The following KLHL29 variants were observed in gnomAD, a reference collection of about 807,000 sequenced individuals.
KLHL29 encodes the protein kelch like family member 29.
Under a neutral mutation model 80.4 loss-of-function variants are expected in KLHL29, and 21 were observed. The observed-to-expected ratio is 0.26, with a 90% CI of 0.19 to 0.38. The LOEUF is 0.38. Ranked by LOEUF, KLHL29 falls within the 10% of genes least tolerant of loss-of-function variation. The pLI is 1.00. For synonymous variants in KLHL29, 511 were observed against 526.8 expected, an observed-to-expected ratio of 0.97 and a Z score of 0.41; for missense variants, 867 against 1,223.9, an observed-to-expected ratio of 0.71 and a Z score of 4.35.
At chr2:23,670,962 CTCTCTCTCTCTCTCT>C (rs1670714770) in intron 5 of KLHL29, among the ~76,000 whole-genome samples, 1 of 23,486 alleles carries the variant, frequency 4.3e-5, no homozygotes, top group Admixed American at 4.9e-4. Flanking sequence ...CTCTCTCTCT[CTCTCTCTCTCTCTCT>C]CTCCCTCCCT....
chr2:23,577,487 C>T (rs1342961144), intron 3 of KLHL29, among the ~76,000 whole-genome samples: 1 of 151,576 alleles, frequency 6.6e-6, no homozygotes, highest in Non-Finnish European at 1.5e-5. Context: ...TGGCTCACAC[C>T]TGTAATCTCA....
intron 3 of KLHL29, among the ~76,000 whole-genome samples, chr2:23,570,880 C>CA (rs1667701318): frequency 6.6e-6 from 1 of 152,232 alleles, no homozygotes; most frequent in Admixed American, 6.5e-5. Context: ...CATGGATGGC[C>CA]AGATCCCTCT....
At chr2:23,557,280 A>G (rs913219474) in intron 2 of KLHL29, among the ~76,000 whole-genome samples, 1 of 152,142 alleles carries the variant, frequency 6.6e-6, no homozygotes, top group African/African-American at 2.4e-5. Flanking sequence ...GAAAATATTT[A>G]AGTTGCCACC....
intron 3 of KLHL29, among the ~76,000 whole-genome samples, chr2:23,593,597 G>A (rs543710846): frequency 2.0e-5 from 3 of 152,288 alleles, no homozygotes; most frequent in East Asian, 1.9e-4. Flanking sequence ...GCAGTGGTGC[G>A]GAGGAGAAGT....
intron 1 of KLHL29, among the ~76,000 whole-genome samples, chr2:23,454,744 G>A (rs982533675): frequency 4.6e-5 from 7 of 151,516 alleles, no homozygotes; most frequent in African/African-American, 1.5e-4. Flanking sequence ...CTGTTCTTGC[G>A]TTTTTTTCTG....
In KLHL29 at chr2:23,579,779, C is replaced by G. The variant is rs528412302; in HGVS notation, c.285+17298C>G. ...AAGACCCTTGGCGATCCCACCTCTTCTGGCTTCACCAAGCCTCATCTGTCA... is the reference window on the plus strand; with the variant it reads ...AAGACCCTTGGCGATCCCACCTCTTGTGGCTTCACCAAGCCTCATCTGTCA... On this transcript the variant is annotated intron_variant, in intron 3 of 13. Coordinates refer to ENST00000486442, the MANE Select transcript of KLHL29 (RefSeq NM_052920.2). Among the ~76,000 whole-genome samples the G allele has an allele frequency of 2.6e-5, 4 of 152,348 alleles. 1 individual carries two copies. The highest frequency in any genetic ancestry group is 4.1e-4 in the South Asian group (2 of 4,830).
intron 1 of KLHL29, among the ~76,000 whole-genome samples, chr2:23,405,220 TAA>T (rs1666695051): frequency 6.6e-6 from 1 of 152,250 alleles, no homozygotes. Context: ...GTTTGGATTA[TAA>T]AGGTAATACC....
intron 1 of KLHL29, among the ~76,000 whole-genome samples, chr2:23,465,751 T>A (rs1454927609): frequency 6.6e-6 from 1 of 152,180 alleles, no homozygotes; most frequent in African/African-American, 2.4e-5. Flanking sequence ...TTCACGTTGA[T>A]CTTTCAGGCA....
At chr2:23,487,148 T>G (rs534181699) in intron 2 of KLHL29, among the ~76,000 whole-genome samples, 2 of 151,818 alleles carry the variant, frequency 1.3e-5, no homozygotes, top group Non-Finnish European at 2.9e-5. Context: ...CAGCTGTACC[T>G]CTTGTCATTT....
chr2:23,565,517 G>T (rs1667566993), intron 3 of KLHL29, among the ~76,000 whole-genome samples: 1 of 152,194 alleles, frequency 6.6e-6, no homozygotes, highest in Admixed American at 6.5e-5. Flanking sequence ...AGAGGGAGCT[G>T]GGGGGAAGAG....
chr2:23,420,417 C>T (rs768965547), intron 1 of KLHL29, among the ~76,000 whole-genome samples: 8 of 152,150 alleles, frequency 5.3e-5, no homozygotes, highest in Non-Finnish European at 1.2e-4. Flanking sequence ...GCTTGTTTTA[C>T]GGGAGGCGGA....
chr2:23,555,000 C>T (rs1039197556), intron 2 of KLHL29, among the ~76,000 whole-genome samples: 1 of 152,116 alleles, frequency 6.6e-6, no homozygotes, highest in South Asian at 2.1e-4. Flanking sequence ...AAGCCTTTTG[C>T]AAGCCTGGGC....
At chr2:23,577,951 G>A (rs1451988063) in intron 3 of KLHL29, among the ~76,000 whole-genome samples, 2 of 152,130 alleles carry the variant, frequency 1.3e-5, no homozygotes, top group South Asian at 2.1e-4. Context: ...CTGTGCCATC[G>A]AGGGACTCCA....
Position 23,696,471 on chromosome 2 carries a change from T to G in KLHL29, c.2063T>G (p.Leu688Arg). 1 of 1,546,782 alleles carries G rather than the reference T, an allele frequency of 6.5e-7. No homozygotes were observed. The highest frequency in any genetic ancestry group is 8.7e-7 in the Non-Finnish European group (1 of 1,144,792). Residue 688 changes from leucine (L) to arginine (R), a missense_variant, in exon 11 of 14, where the codon CTC (leucine) becomes CGC (arginine). By Grantham distance (102) the Leu-to-Arg change is moderately radical. Around this residue, in one of 2 missense-constraint regions of KLHL29, gnomAD observed 443 missense variants for 767.0 expected, o/e 0.58. Transcript: ENST00000486442. This position sits in a 1 kb window ranked among gnomAD's most constrained non-coding sequence, Gnocchi z 5.5. ...SLVYDGKIYT[L>R]GGLGVAGNVD... ...GTCTACGATGGGAAGATTTACACCC[T>G]CGGGGGACTTGGCGTGGCAGGCAAC...
intron 1 of KLHL29, among the ~76,000 whole-genome samples, chr2:23,464,097 G>T (rs565720888): frequency 6.6e-6 from 1 of 152,330 alleles, no homozygotes; most frequent in Non-Finnish European, 1.5e-5. Flanking sequence ...GGGAAATAAT[G>T]CAATTTCCAT....
chr2:23,592,997 G>A (rs1044877655), intron 3 of KLHL29, among the ~76,000 whole-genome samples: 5 of 152,124 alleles, frequency 3.3e-5, no homozygotes, highest in East Asian at 1.9e-4. Flanking sequence ...TTCTCTGCTC[G>A]AGTGCTGTGG....
chr2:23,441,915 G>A (rs902686508), intron 1 of KLHL29, among the ~76,000 whole-genome samples: 4 of 152,308 alleles, frequency 2.6e-5, no homozygotes, highest in Admixed American at 2.6e-4. Flanking sequence ...GCTAAAACCA[G>A]TCACATAGTA....
intron 5 of KLHL29, among the ~76,000 whole-genome samples, chr2:23,671,298 G>A (rs924624237): frequency 6.6e-6 from 1 of 151,896 alleles, no homozygotes; most frequent in East Asian, 1.9e-4. Context: ...CCATCTCCTT[G>A]TGGCTCTCTG....
chr2:23,508,899 G>A (rs1290204922), intron 2 of KLHL29, among the ~76,000 whole-genome samples: 2 of 152,206 alleles, frequency 1.3e-5, no homozygotes, highest in African/African-American at 4.8e-5. Context: ...GAGCTAGACC[G>A]GGTGGTTTCA....
Sources: allele counts gnomAD v4.1 joint callset (sites outside exome capture counted in the v4.1 genomes callset), GRCh38; gene constraint gnomAD v4.1.1; regional missense constraint gnomAD v4.1.1; non-coding constraint Gnocchi (gnomAD v3.1); transcripts MANE v1.5; gene names NCBI Gene and HGNC (gene_info 2026-07-23, HGNC 2026-07-21).